The following ITGBL1 variants were observed in gnomAD, a reference collection of about 807,000 sequenced individuals.
The protein encoded by ITGBL1 is integrin subunit beta like 1.
In ITGBL1, 51 loss-of-function variants were observed where a neutral mutation model predicts 68.5. The ratio of observed to expected loss-of-function variants is 0.74; its 90% CI spans 0.59 to 0.94. The LOEUF (loss-of-function observed/expected upper bound fraction) is 0.94, where lower values mean the gene tolerates loss of function less well. Ranked by LOEUF, ITGBL1 falls within the 40% of genes least tolerant of loss-of-function variation. The probability of loss-of-function intolerance (pLI) is 0.00; values close to 1 mark genes in which losing one functional copy is unlikely to be tolerated. For synonymous variants in ITGBL1, 209 were observed against 227.3 expected (o/e 0.92, Z 0.72); for missense variants, 649 against 647.4 (o/e 1.00, Z -0.03).
chr13:101,662,137 A>G (rs1241719202), intron 7 of ITGBL1, among the ~76,000 whole-genome samples: 5 of 152,170 alleles, frequency 3.3e-5, no homozygotes, highest in Non-Finnish European at 7.4e-5. Flanking sequence ...GATGTTAACT[A>G]TCACTGTTTG....
chr13:101,481,811 T>C (rs2048628835), intron 2 of ITGBL1, among the ~76,000 whole-genome samples: 1 of 152,180 alleles, frequency 6.6e-6, no homozygotes, highest in Non-Finnish European at 1.5e-5. Flanking sequence ...TAGTTGAGAT[T>C]AATGTTGCAC....
intron 9 of ITGBL1, chr13:101,713,559 T>C (rs983764078): frequency 2.0e-5 from 3 of 152,168 alleles, no homozygotes; most frequent in Admixed American, 1.3e-4. Context: ...CATTGTAAAG[T>C]CTTTCCTGCT....
chr13:101,543,174 A>AT (rs1255792659), intron 2 of ITGBL1, among the ~76,000 whole-genome samples: 22 of 152,082 alleles, frequency 1.4e-4, no homozygotes, highest in East Asian at 7.8e-4. Context: ...ACAATTTGGC[A>AT]TTTTTTTGTG....
Position 101,575,293 on chromosome 13 carries a change from C to T in ITGBL1, c.464-131C>T, listed in dbSNP as rs1331941048. On this transcript the variant is annotated intron_variant, in intron 3 of 10. Transcript: ENST00000376180. The stretch of plus-strand genomic sequence containing the variant: ...AGCATGTGCTTTACCTCACCATGCC[C>T]ACAGAAATATCTAATTGAAATATTA... 6.9e-6 allele frequency: 6 copies of T among 870,720 alleles called. No homozygotes were observed. The Admixed American group carries it at 1.4e-4, about 21-fold the overall frequency. 53.9% of individuals were successfully genotyped at this position (870,720 alleles called of 1,614,324 possible). A position where few individuals can be genotyped will look rare whatever the true frequency, so the allele number is the denominator to read the frequency against.
chr13:101,606,297 T>C (rs978046261), intron 7 of ITGBL1, among the ~76,000 whole-genome samples: 17 of 151,024 alleles, frequency 1.1e-4, no homozygotes, highest in Non-Finnish European at 2.5e-4. Context: ...GTCTTGAAGG[T>C]AGAATAACTT....
rs979576150 is a variant in ITGBL1 at position 101,453,873 on chromosome 13, G to A, written c.99-10G>A. 7 of 1,236,504 alleles carry A rather than the reference G, an allele frequency of 5.7e-6. No homozygotes were observed. The East Asian group carries it at 9.8e-5, about 17-fold the overall frequency. 76.6% of individuals were successfully genotyped at this position (1,236,504 alleles called of 1,614,324 possible). Reference sequence around the variant, plus strand: ...TGACCCGGCCTGCCGGTTGCTTGTCGCCCGCGCAGGAGCTGGCCGGGCGCC... The same window carrying A: ...TGACCCGGCCTGCCGGTTGCTTGTCACCCGCGCAGGAGCTGGCCGGGCGCC... On this transcript the variant is annotated splice_polypyrimidine_tract_variant and intron_variant, in intron 1 of 10. Coordinates refer to ENST00000376180, the MANE Select transcript of ITGBL1 (RefSeq NM_004791.3).
intron 7 of ITGBL1, among the ~76,000 whole-genome samples, chr13:101,691,487 C>T (rs567578825): frequency 1.3e-5 from 2 of 152,224 alleles, no homozygotes; most frequent in South Asian, 2.1e-4. Flanking sequence ...GAGTGACTAA[C>T]AACATTGCAA....
chr13:101,477,720 C>G (rs1458823627), intron 2 of ITGBL1, among the ~76,000 whole-genome samples: 1 of 151,904 alleles, frequency 6.6e-6, no homozygotes, highest in Non-Finnish European at 1.5e-5. Flanking sequence ...ATTAGAAAAC[C>G]TGGAAGAAAT....
Position 101,706,827 on chromosome 13 carries a change from CG to C in ITGBL1, c.1206del (p.Lys403SerfsTer4). 6.2e-7 allele frequency: 1 copy of C among 1,614,094 alleles called. No individual in the cohort carries two copies. On this transcript the variant is annotated frameshift_variant, in exon 9 of 11. Transcript: ENST00000376180. LOFTEE classifies it high-confidence loss of function. Reference sequence around the variant, plus strand: ...GTTTGGAAAGCTCTGCCAACATCCGCGGAAGTGTAACATGACGGAAGAACAA... The same window carrying C: ...GTTTGGAAAGCTCTGCCAACATCCGCGAAGTGTAACATGACGGAAGAACAA... ...GWFGKLCQHP[R>X]KCNMTEEQSK...
At chr13:101,607,376 G>A (rs1167822376) in intron 7 of ITGBL1, among the ~76,000 whole-genome samples, 2 of 151,814 alleles carry the variant, frequency 1.3e-5, no homozygotes, top group East Asian at 1.9e-4. Context: ...CCAATTTATT[G>A]GACAATATAT....
chr13:101,543,598 T>G (rs2049755267), intron 2 of ITGBL1, among the ~76,000 whole-genome samples: 2 of 152,224 alleles, frequency 1.3e-5, no homozygotes, highest in Admixed American at 6.5e-5. Flanking sequence ...AGTTTGAATG[T>G]TGGCCTGCCT....
intron 2 of ITGBL1, among the ~76,000 whole-genome samples, chr13:101,508,826 CTT>C (rs1381000806): frequency 8.5e-5 from 13 of 152,166 alleles, no homozygotes; most frequent in African/African-American, 2.9e-4. Flanking sequence ...TATTTCAACT[CTT>C]TGAGAAACTT....
intron 7 of ITGBL1, among the ~76,000 whole-genome samples, chr13:101,605,982 G>GTA (rs559354236): frequency 2.1e-5 from 3 of 143,926 alleles, no homozygotes; most frequent in African/African-American, 5.1e-5. Context: ...GCATATATGT[G>GTA]TATATATATG....
chr13:101,566,128 T>C (rs1224720214), intron 2 of ITGBL1, among the ~76,000 whole-genome samples: 1 of 152,172 alleles, frequency 6.6e-6, no homozygotes, highest in Non-Finnish European at 1.5e-5. Flanking sequence ...AAATCATTTC[T>C]ATTTTCTTTA....
chr13:101,692,600 G>A lies in ITGBL1; in HGVS notation c.1031G>A (p.Gly344Asp). Reference sequence around the variant, plus strand: ...TACTTTCCAGGTAAATGTGAATGTGGCAAATGCACCTGCTATCCTCCAGGA... The same window carrying A: ...TACTTTCCAGGTAAATGTGAATGTGACAAATGCACCTGCTATCCTCCAGGA... ...PCSGRGKCECGKCTCYPPGDR... is the reference protein window; with the variant it reads ...PCSGRGKCECDKCTCYPPGDR... The change falls in exon 8 of 11, where the codon GGC (glycine) becomes GAC (aspartate). Residue 344 changes from glycine (G) to aspartate (D), a missense_variant. Transcript: ENST00000376180. 6.2e-7 allele frequency: 1 copy of A among 1,612,564 alleles called. No individual in the cohort carries two copies. The highest frequency in any genetic ancestry group is 8.5e-7 in the Non-Finnish European group (1 of 1,178,670).
intron 2 of ITGBL1, among the ~76,000 whole-genome samples, chr13:101,528,125 ATTG>A (rs1870755754): frequency 6.6e-6 from 1 of 151,422 alleles, no homozygotes; most frequent in African/African-American, 2.4e-5. Context: ...TTACAAAGTT[ATTG>A]TTTTTATATA....
Position 101,462,675 on chromosome 13 carries a change from C to T in ITGBL1, c.316+8575C>T, listed in dbSNP as rs146937778. On this transcript the variant is annotated intron_variant, in intron 2 of 10. Coordinates refer to ENST00000376180, the MANE Select transcript of ITGBL1 (RefSeq NM_004791.3). Reference sequence around the variant, plus strand: ...TCAGCTCGCTGCAACCTCCACCTCCCGGGGTCAAGTGATACTCCTGCCTCA... The same window carrying T: ...TCAGCTCGCTGCAACCTCCACCTCCTGGGGTCAAGTGATACTCCTGCCTCA... 5.4e-3 allele frequency among the ~76,000 whole-genome samples: 818 copies of T among 152,192 alleles called. 15 individuals are homozygous for T. Among genetic ancestry groups the T allele is most frequent in the Admixed American group, 0.036 (547 of 15,288 alleles).
chr13:101,702,561 A>T, intron 8 of ITGBL1, among the ~76,000 whole-genome samples: 1 of 150,772 alleles, frequency 6.6e-6, no homozygotes, highest in Non-Finnish European at 1.5e-5. Context: ...TTCATTTTCC[A>T]TATAGTACTA....
intron 8 of ITGBL1, among the ~76,000 whole-genome samples, chr13:101,702,532 C>G (rs370187118): frequency 6.6e-6 from 1 of 151,754 alleles, no homozygotes; most frequent in Non-Finnish European, 1.5e-5. Context: ...GTATCCTACA[C>G]ATTTTCATAA....
Sources: gnomAD v4.1 joint callset for allele counts (sites outside exome capture counted in the v4.1 genomes callset) on GRCh38, gnomAD v4.1.1 for gene constraint, MANE v1.5 for transcripts, NCBI Gene and HGNC (gene_info 2026-07-23, HGNC 2026-07-21) for gene names.